Variants in PHC3 observed in about 807,000 individuals in gnomAD.
PHC3 encodes polyhomeotic homolog 3.
A neutral mutation model predicts 107.4 loss-of-function variants in PHC3; 13 were observed. That is an observed-to-expected ratio of 0.12 (90% CI 0.08 to 0.19). PHC3 has a LOEUF of 0.19. Among genes scored for constraint, PHC3 ranks in the 10% least tolerant of loss-of-function variants. PHC3 has a pLI of 1.00. For missense variants in PHC3, 992 were observed against 1,210.9 expected, an observed-to-expected ratio of 0.82 and a Z score of 2.68; for synonymous variants, 456 against 427.4, an observed-to-expected ratio of 1.07 and a Z score of -0.83.
At chr3:170,122,323 G>C (rs185955582) in intron 9 of PHC3, among the ~76,000 whole-genome samples, 2 of 152,070 alleles carry the variant, frequency 1.3e-5, no homozygotes, top group East Asian at 3.9e-4. Flanking sequence ...GAATAAACAG[G>C]CTGGGTGCAA....
chr3:170,153,489 C>A (rs549986942), intron 4 of PHC3, among the ~76,000 whole-genome samples: 1 of 152,156 alleles, frequency 6.6e-6, no homozygotes, highest in East Asian at 1.9e-4. Flanking sequence ...TGAGGCCGGG[C>A]GCGGTGGCTC....
At chr3:170,130,788 A>G (rs879902225) in intron 7 of PHC3, among the ~76,000 whole-genome samples, 3 of 152,218 alleles carry the variant, frequency 2.0e-5, no homozygotes, top group Non-Finnish European at 4.4e-5. Flanking sequence ...AGAAAGGGAG[A>G]TGCTGATGAA....
rs1713985089 is a variant in PHC3 at position 170,090,506 on chromosome 3, A to G, written c.*6724T>C. The G allele has an allele frequency of 6.6e-6, 1 of 152,242 alleles. No individual in the cohort carries two copies. Among genetic ancestry groups the G allele is most frequent in the African/African-American group, 2.4e-5 (1 of 41,462 alleles). 9.4% of individuals were successfully genotyped at this position (152,242 alleles called of 1,614,324 possible). A position where few individuals can be genotyped will look rare whatever the true frequency, so the allele number is the denominator to read the frequency against. On this transcript the variant is annotated 3_prime_UTR_variant, in exon 15 of 15. Transcript: ENST00000495893. ...GGTTAACCAATAAGGAGCATTTAGG[A>G]AAATGTCATCATTTGCTTGTTATGT...
chr3:170,112,397 T>C (rs558996794), intron 11 of PHC3, among the ~76,000 whole-genome samples: 9 of 147,110 alleles, frequency 6.1e-5, no homozygotes, highest in Non-Finnish European at 1.2e-4. Context: ...ATATATATAT[T>C]TTTTTTTAGT....
rs1200895624 is a variant in PHC3, at chr3:170,172,690, C to T, written c.203G>A (p.Arg68Gln). ...AVQVIQQALHRPPSSAAQYLQ... is the reference protein window; with the variant it reads ...AVQVIQQALHQPPSSAAQYLQ... ...GTACTGAGCAGCTGAGCTGGGGGGC[C>T]GATGCAATGCCTGTTGAATTACCTG... The change falls in exon 3 of 15, where the codon CGG becomes CAG. Residue 68 changes from arginine to glutamine, a missense_variant. Physicochemically the swap from Arg to Gln is conservative, Grantham distance 43. Coordinates refer to ENST00000495893, the MANE Select transcript of PHC3 (RefSeq NM_024947.4). The T allele has an allele frequency of 4.4e-6, 7 of 1,607,760 alleles. No individual in the cohort carries two copies. In the South Asian group the frequency reaches 4.4e-5, roughly 10 times the overall value.
At chr3:170,126,528 A>ATATATATATATATATATATATT (rs370421296) in intron 8 of PHC3, among the ~76,000 whole-genome samples, 2 of 90,638 alleles carry the variant, frequency 2.2e-5, no homozygotes, top group African/African-American at 9.0e-5. Flanking sequence ...ATATATATAT[A>ATATATATATATATATATATATT]TTTTTTTTTT....
chr3:170,159,403 A>T (rs1193560631), intron 4 of PHC3, among the ~76,000 whole-genome samples: 1 of 152,120 alleles, frequency 6.6e-6, no homozygotes, highest in East Asian at 1.9e-4. Flanking sequence ...TGAACTAAAA[A>T]TTTTTTAAAA....
chr3:170,172,685 G>T lies in PHC3; in HGVS notation c.208C>A (p.Pro70Thr). 2 of 1,610,104 alleles carry T rather than the reference G, an allele frequency of 1.2e-6. No homozygotes were observed. Among genetic ancestry groups the T allele is most frequent in the Non-Finnish European group, 1.7e-6 (2 of 1,177,008 alleles). Residue 70 changes from proline (P) to threonine (T), a missense_variant, in exon 3 of 15, where the codon CCC becomes ACC. Coordinates refer to ENST00000495893, the MANE Select transcript of PHC3 (RefSeq NM_024947.4). ...TGAAGGTACTGAGCAGCTGAGCTGGGGGGCCGATGCAATGCCTGTTGAATT... is the reference window on the plus strand; with the variant it reads ...TGAAGGTACTGAGCAGCTGAGCTGGTGGGCCGATGCAATGCCTGTTGAATT... ...QVIQQALHRPPSSAAQYLQQM... is the reference protein window; with the variant it reads ...QVIQQALHRPTSSAAQYLQQM...
chr3:170,176,435 G>T (rs1423210594), intron 2 of PHC3, among the ~76,000 whole-genome samples: 2 of 152,124 alleles, frequency 1.3e-5, no homozygotes, highest in Non-Finnish European at 2.9e-5. Flanking sequence ...TGGAAAAATG[G>T]AGCAGAGGAA....
chr3:170,180,519 C>G (rs185443354), intron 1 of PHC3, among the ~76,000 whole-genome samples: 105 of 150,384 alleles, frequency 7.0e-4, no homozygotes, highest in Admixed American at 1.0e-3. Flanking sequence ...TGACTCCTCA[C>G]TTACTTTTTG....
chr3:170,158,708 C>G (rs142064191), intron 4 of PHC3, among the ~76,000 whole-genome samples: 1,845 of 151,814 alleles, frequency 0.012, 38 homozygotes, highest in African/African-American at 0.042. Flanking sequence ...AGGTGGATCA[C>G]TTGAGCTCAG....
chr3:170,148,111 A>T (rs1725302234), intron 5 of PHC3: 1 of 152,190 alleles, frequency 6.6e-6, no homozygotes. Flanking sequence ...TCTACTAAAA[A>T]TACAAAAATT....
chr3:170,172,486 T>A, intron 3 of PHC3, 71 bp downstream of exon 3: 1 of 1,494,624 alleles, frequency 6.7e-7, no homozygotes, highest in Non-Finnish European at 9.1e-7. Context: ...TAATACCCAA[T>A]CTATTTATTT....
intron 9 of PHC3, 43 bp from the exon 10 acceptor site, chr3:170,117,519 T>C: frequency 6.4e-7 from 1 of 1,566,356 alleles, no homozygotes; most frequent in Non-Finnish European, 8.6e-7. Flanking sequence ...TTTTTTAGCA[T>C]TTTGCCCAAG....
Position 170,095,902 on chromosome 3 carries a change from T to C in PHC3, c.*1328A>G, listed in dbSNP as rs979275795. The C allele has an allele frequency of 5.9e-5, 9 of 152,158 alleles. No individual in the cohort carries two copies. Among genetic ancestry groups the C allele is most frequent in the African/African-American group, 2.2e-4 (9 of 41,436 alleles). The allele number at this position is 152,158 out of a possible 1,614,324, so 9.4% of individuals were successfully genotyped here. A position where few individuals can be genotyped will look rare whatever the true frequency, so the allele number is the denominator to read the frequency against. On this transcript the variant is annotated 3_prime_UTR_variant, in exon 15 of 15. Coordinates refer to ENST00000495893, the MANE Select transcript of PHC3 (RefSeq NM_024947.4). ...GGTTCAAGAGAAATCACTTGGTAAGTGCTTTGCAGGAAGCATGCAAACGTT... is the reference window on the plus strand; with the variant it reads ...GGTTCAAGAGAAATCACTTGGTAAGCGCTTTGCAGGAAGCATGCAAACGTT...
chr3:170,091,189 A>G lies in PHC3; in HGVS notation c.*6041T>C, dbSNP rs1176391258. Reference sequence around the variant, plus strand: ...GTGATGGTGACTATCAATCCTTAAGATGATTACTGGAGTAAATTTAAACAG... The same window carrying G: ...GTGATGGTGACTATCAATCCTTAAGGTGATTACTGGAGTAAATTTAAACAG... On this transcript the variant is annotated 3_prime_UTR_variant, in exon 15 of 15. Coordinates refer to ENST00000495893, the MANE Select transcript of PHC3 (RefSeq NM_024947.4). 1 of 152,200 alleles carries G rather than the reference A, an allele frequency of 6.6e-6. No homozygotes were observed. The highest frequency in any genetic ancestry group is 1.5e-5 in the Non-Finnish European group (1 of 68,022). The allele number at this position is 152,200 out of a possible 1,614,324, so 9.4% of individuals were successfully genotyped here.
At chr3:170,112,335 A>G (rs1262665122) in intron 11 of PHC3, among the ~76,000 whole-genome samples, 2 of 145,852 alleles carry the variant, frequency 1.4e-5, no homozygotes, top group East Asian at 2.0e-4. Flanking sequence ...CTCAGCCTCC[A>G]AAGTAGCTGG....
intron 4 of PHC3, among the ~76,000 whole-genome samples, chr3:170,156,019 T>A (rs1447342305): frequency 6.6e-6 from 1 of 152,240 alleles, no homozygotes; most frequent in Non-Finnish European, 1.5e-5. Context: ...GCTTTTATCA[T>A]GTTAAAGCAG....
chr3:170,176,867 TC>T (rs1560140329), intron 2 of PHC3: 1 of 452,340 alleles, frequency 2.2e-6, no homozygotes, highest in Non-Finnish European at 4.4e-6. Flanking sequence ...AGTCTCACCC[TC>T]ATTTTAGTTT....
Sources: allele counts gnomAD v4.1 joint callset (sites outside exome capture counted in the v4.1 genomes callset), GRCh38; gene constraint gnomAD v4.1.1; transcripts MANE v1.5; gene names NCBI Gene and HGNC (gene_info 2026-07-23, HGNC 2026-07-21).